The following PTPRD variants were observed in gnomAD, a reference collection of about 807,000 sequenced individuals.
PTPRD encodes the protein receptor-type tyrosine-protein phosphatase delta.
A neutral mutation model predicts 214.5 loss-of-function variants in PTPRD; 34 were observed. That is an observed-to-expected ratio of 0.16 (90% CI 0.12 to 0.21). The LOEUF (loss-of-function observed/expected upper bound fraction) is 0.21, where lower values mean the gene tolerates loss of function less well. Among genes scored for constraint, PTPRD ranks in the 10% least tolerant of loss-of-function variants. The probability of loss-of-function intolerance (pLI) is 1.00; values close to 1 mark genes in which losing one functional copy is unlikely to be tolerated. For synonymous variants in PTPRD, 1,128 were observed against 845.7 expected (o/e 1.33, Z -5.79); for missense variants, 2,545 against 2,398.7 (o/e 1.06, Z -1.27).
intron 9 of PTPRD, among the ~76,000 whole-genome samples, chr9:9,247,966 T>A (rs116442009): frequency 0.013 from 1,932 of 152,176 alleles, 43 homozygotes; most frequent in African/African-American, 0.045. Flanking sequence ...CTATGAAAGG[T>A]AGCTCTTGAG....
Position 9,812,647 on chromosome 9 carries a change from G to A in PTPRD, c.-367-45796C>T, listed in dbSNP as rs185142168. 2.7e-4 allele frequency among the ~76,000 whole-genome samples: 41 copies of A among 152,134 alleles called. No homozygotes were observed. In the Middle Eastern group the frequency reaches 0.01, roughly 38 times the overall value. On this transcript the variant is annotated intron_variant, in intron 5 of 45. Coordinates refer to ENST00000381196, the MANE Select transcript of PTPRD (RefSeq NM_002839.4). ...TGTAAATATACATGTACTCTATATT[G>A]GAGCACCTAAATATGTAAAGAAAAT...
intron 9 of PTPRD, among the ~76,000 whole-genome samples, chr9:9,279,438 G>C (rs955282613): frequency 6.7e-6 from 1 of 149,582 alleles, no homozygotes; most frequent in Non-Finnish European, 1.5e-5. Flanking sequence ...TATGATGCTA[G>C]AAGATAAAGC....
chr9:9,613,695 C>G (rs1052287225), intron 7 of PTPRD, among the ~76,000 whole-genome samples: 19 of 152,050 alleles, frequency 1.2e-4, no homozygotes, highest in Non-Finnish European at 7.4e-5. Context: ...AAGTATGGTT[C>G]ATGGACTAGT....
intron 3 of PTPRD, among the ~76,000 whole-genome samples, chr9:10,221,201 A>C (rs796422184): frequency 2.6e-5 from 4 of 152,144 alleles, no homozygotes; most frequent in African/African-American, 9.6e-5. Context: ...TCCCTTTGTT[A>C]TTGTCTCCAG....
chr9:10,071,844 G>T lies in PTPRD; in HGVS notation c.-544-38054C>A, dbSNP rs10958867. On this transcript the variant is annotated intron_variant, in intron 3 of 45. Coordinates refer to ENST00000381196, the MANE Select transcript of PTPRD (RefSeq NM_002839.4). ...AAATCATACACCTTGACAATTATGA[G>T]AATTATAAAATGAACAAGCTGATAT... 3.3e-5 allele frequency among the ~76,000 whole-genome samples: 5 copies of T among 151,796 alleles called. No individual in the cohort carries two copies. The East Asian group carries it at 9.8e-4, about 30-fold the overall frequency.
intron 3 of PTPRD, among the ~76,000 whole-genome samples, chr9:10,090,919 T>TATACAC (rs1491584309): frequency 1.2e-4 from 12 of 99,590 alleles, no homozygotes; most frequent in Non-Finnish European, 2.5e-4. Flanking sequence ...AAATGAAATA[T>TATACAC]ACACACACAC....
At position 9,028,177 on chromosome 9, in the gene PTPRD, G is replaced by A. The variant is rs73430110; in HGVS notation, c.-142-9442C>T. Among the ~76,000 whole-genome samples the A allele has an allele frequency of 7.1e-3, 1,081 of 151,930 alleles. 8 individuals are homozygous for A. Among genetic ancestry groups the A allele is most frequent in the African/African-American group, 0.024 (1,002 of 41,490 alleles). ...CTTATCAAATCACTTTTTCCAACACGTTCTTTTATCAAAACTTCTAAATAT... is the reference window on the plus strand; with the variant it reads ...CTTATCAAATCACTTTTTCCAACACATTCTTTTATCAAAACTTCTAAATAT... On this transcript the variant is annotated intron_variant, in intron 10 of 45. Transcript: ENST00000381196.
intron 7 of PTPRD, among the ~76,000 whole-genome samples, chr9:9,685,913 G>C (rs1350284775): frequency 6.6e-6 from 1 of 151,064 alleles, no homozygotes; most frequent in Non-Finnish European, 1.5e-5. Flanking sequence ...TATTGTCTTA[G>C]CTGAAATGAT....
intron 9 of PTPRD, among the ~76,000 whole-genome samples, chr9:9,258,169 G>A (rs1367481436): frequency 1.3e-5 from 2 of 151,870 alleles, no homozygotes; most frequent in Middle Eastern, 3.4e-3. Context: ...TAAACATTAC[G>A]ATGGCTGACA....
chr9:9,606,272 T>C (rs948174051), intron 7 of PTPRD, among the ~76,000 whole-genome samples: 1 of 152,130 alleles, frequency 6.6e-6, no homozygotes, highest in Non-Finnish European at 1.5e-5. Flanking sequence ...CAACAGACCC[T>C]GGAGCTATTT....
intron 14 of PTPRD, among the ~76,000 whole-genome samples, chr9:8,579,150 A>G (rs2092784020): frequency 6.6e-6 from 1 of 152,218 alleles, no homozygotes; most frequent in Admixed American, 6.5e-5. Context: ...GGTATCATCT[A>G]AAATCAGTTG....
chr9:8,368,534 G>A (rs987314277), intron 39 of PTPRD, among the ~76,000 whole-genome samples: 1 of 152,008 alleles, frequency 6.6e-6, no homozygotes, highest in Non-Finnish European at 1.5e-5. Context: ...CTCTTCCACT[G>A]CATTTATATC....
chr9:8,687,850 A>T (rs1211798501), intron 12 of PTPRD, among the ~76,000 whole-genome samples: 2 of 151,650 alleles, frequency 1.3e-5, no homozygotes, highest in Non-Finnish European at 2.9e-5. Flanking sequence ...ACATTTGGAG[A>T]TGATGAGGTT....
chr9:10,439,508 G>A (rs1457019754), intron 2 of PTPRD, among the ~76,000 whole-genome samples: 1 of 151,670 alleles, frequency 6.6e-6, no homozygotes, highest in Non-Finnish European at 1.5e-5. Flanking sequence ...AGTGGTCTTG[G>A]ACACATATTT....
intron 2 of PTPRD, among the ~76,000 whole-genome samples, chr9:10,464,235 T>TA (rs925837072): frequency 1.4e-4 from 21 of 151,288 alleles, no homozygotes; most frequent in African/African-American, 2.9e-4. Flanking sequence ...CCATCTCTAC[T>TA]AAAAAAAAAT....
At chr9:9,934,560 G>A (rs1473367459) in intron 5 of PTPRD, among the ~76,000 whole-genome samples, 1 of 151,342 alleles carries the variant, frequency 6.6e-6, no homozygotes, top group East Asian at 1.9e-4. Context: ...CCAATAACAG[G>A]ATCTGAAATT....
At chr9:9,455,079 T>C (rs1569568482) in intron 8 of PTPRD, among the ~76,000 whole-genome samples, 1 of 151,610 alleles carries the variant, frequency 6.6e-6, no homozygotes, top group South Asian at 2.1e-4. Context: ...AATGTTGAAA[T>C]ATAAAAGAAG....
intron 3 of PTPRD, among the ~76,000 whole-genome samples, chr9:10,080,559 T>C (rs746105535): frequency 6.6e-6 from 1 of 152,118 alleles, no homozygotes; most frequent in Non-Finnish European, 1.5e-5. Context: ...CGCAGAAGAC[T>C]CATATTTATT....
intron 8 of PTPRD, among the ~76,000 whole-genome samples, chr9:9,485,877 G>T (rs1044978325): frequency 1.3e-5 from 2 of 152,116 alleles, no homozygotes; most frequent in Middle Eastern, 3.4e-3. Context: ...CTTGGGCCGG[G>T]TGGGGTGGCT....
Sources: gnomAD v4.1 joint callset for allele counts (sites outside exome capture counted in the v4.1 genomes callset) on GRCh38, gnomAD v4.1.1 for gene constraint, MANE v1.5 for transcripts, NCBI Gene and HGNC (gene_info 2026-07-23, HGNC 2026-07-21) for gene names.